UNC13C: variants seen among roughly 807,000 people sequenced by gnomAD.
The protein encoded by UNC13C is unc-13 homolog C.
A neutral mutation model predicts 245.4 loss-of-function variants in UNC13C; 174 were observed. The ratio of observed to expected loss-of-function variants is 0.71; its 90% CI spans 0.63 to 0.80. The LOEUF (loss-of-function observed/expected upper bound fraction) is 0.80, where lower values mean the gene tolerates loss of function less well. Among genes scored for constraint, UNC13C ranks in the 30% least tolerant of loss-of-function variants. The pLI is 0.00. For synonymous variants in UNC13C, 992 were observed against 895.1 expected (o/e 1.11, Z -1.93); for missense variants, 2,829 against 2,602.9 (o/e 1.09, Z -1.89).
intron 25 of UNC13C, among the ~76,000 whole-genome samples, chr15:54,528,377 G>A (rs1895581640): frequency 6.8e-6 from 1 of 147,820 alleles, no homozygotes; most frequent in Admixed American, 6.7e-5. Flanking sequence ...GCTAGATTAA[G>A]TAAACAAAAA....
At chr15:54,109,228 A>G (rs1047855180) in intron 2 of UNC13C, among the ~76,000 whole-genome samples, 1 of 149,522 alleles carries the variant, frequency 6.7e-6, no homozygotes, top group East Asian at 2.0e-4. Flanking sequence ...AGCTTTTTAC[A>G]AACTATATTT....
At position 54,371,719 on chromosome 15, in the gene UNC13C, C is replaced by T. The variant is rs78110703; in HGVS notation, c.4714-21329C>T. Reference sequence around the variant, plus strand: ...CCTTAATAATGGATATATATATATACACACACACACACACACACATACCAG... The same window carrying T: ...CCTTAATAATGGATATATATATATATACACACACACACACACACATACCAG... On this transcript the variant is annotated intron_variant, in intron 17 of 32. Coordinates refer to ENST00000260323, the MANE Select transcript of UNC13C (RefSeq NM_001080534.3). 1.6e-3 allele frequency among the ~76,000 whole-genome samples: 65 copies of T among 41,278 alleles called. No individual in the cohort carries two copies. The South Asian group carries it at 0.018, about 12-fold the overall frequency. 27.1% of individuals were successfully genotyped at this position (41,278 alleles called of 152,430 possible).
the UNC13C span, among the ~76,000 whole-genome samples, chr15:53,962,446 T>A: frequency 6.6e-6 from 1 of 152,206 alleles, no homozygotes; most frequent in African/African-American, 2.4e-5. Context: ...GTATATTATT[T>A]GAAATTATTT....
intron 2 of UNC13C, among the ~76,000 whole-genome samples, chr15:54,017,310 A>G (rs1895705333): frequency 2.0e-5 from 3 of 152,334 alleles, no homozygotes; most frequent in African/African-American, 4.8e-5. Context: ...AATGTAATGC[A>G]TATGGTAATA....
rs190572959 is a variant in UNC13C at position 54,587,340 on chromosome 15, G to A, written c.6106+19393G>A. Among the ~76,000 whole-genome samples the A allele has an allele frequency of 2.6e-3, 391 of 152,304 alleles. 2 individuals are homozygous for A. The highest frequency in any genetic ancestry group is 8.8e-3 in the African/African-American group (366 of 41,558). On this transcript the variant is annotated intron_variant, in intron 30 of 32. Coordinates refer to ENST00000260323, the MANE Select transcript of UNC13C (RefSeq NM_001080534.3). ...AAACCCGTGAAACATTTATATGACT[G>A]AAGCTTCTTCATATGTGCTCAGAGT... is the stretch of plus-strand genomic sequence containing the variant.
In UNC13C at chr15:54,015,680, C is replaced by A; in HGVS notation, c.2777C>A (p.Ala926Glu). 6.2e-7 allele frequency: 1 copy of A among 1,613,650 alleles called. No individual in the cohort carries two copies. Among genetic ancestry groups the A allele is most frequent in the Non-Finnish European group, 8.5e-7 (1 of 1,179,730 alleles). The change falls in exon 2 of 33, where the codon GCA becomes GAA. Residue 926 changes from alanine (A) to glutamate (E), a missense_variant. Coordinates refer to ENST00000260323, the MANE Select transcript of UNC13C (RefSeq NM_001080534.3). ...CAAGATGAGGGTTATGATGGTCCAG[C>A]AGATGATATGGTTAGTGAAGAGGGG... ...TPQDEGYDGP[A>E]DDMVSEEGLE...
intron 16 of UNC13C, among the ~76,000 whole-genome samples, chr15:54,336,360 TTA>T (rs928868190): frequency 6.9e-6 from 1 of 144,654 alleles, no homozygotes; most frequent in Non-Finnish European, 1.6e-5. Context: ...TTGAGAGTTT[TTA>T]TATGTTTTGA....
intron 30 of UNC13C, among the ~76,000 whole-genome samples, chr15:54,579,249 T>G (rs974289063): frequency 3.3e-5 from 5 of 152,212 alleles, no homozygotes; most frequent in Admixed American, 2.0e-4. Flanking sequence ...TTTTTTTCTC[T>G]GCCTGCTTAT....
At chr15:54,473,232 A>G (rs902693797) in intron 19 of UNC13C, among the ~76,000 whole-genome samples, 1 of 149,696 alleles carries the variant, frequency 6.7e-6, no homozygotes, top group African/African-American at 2.4e-5. Context: ...TATTTTATTG[A>G]TACATAATAA....
At chr15:54,031,703 C>G (rs976164029) in intron 2 of UNC13C, among the ~76,000 whole-genome samples, 1 of 152,162 alleles carries the variant, frequency 6.6e-6, no homozygotes, top group African/African-American at 2.4e-5. Context: ...CTTACCTGTA[C>G]AGGTAACTGA....
rs28414510 is a variant in UNC13C at position 54,496,342 on chromosome 15, A to G, written c.5060+1608A>G. Among the ~76,000 whole-genome samples the G allele has an allele frequency of 8.7e-3, 1,318 of 152,194 alleles. 22 individuals carry two copies. Among genetic ancestry groups the G allele is most frequent in the African/African-American group, 0.03 (1,244 of 41,538 alleles). ...AAATTTTGAAGATAGAATTTACAGA[A>G]TTTGTCAACTAAAGACATATGGGGT... is the stretch of plus-strand genomic sequence containing the variant. On this transcript the variant is annotated intron_variant, in intron 20 of 32. Coordinates refer to ENST00000260323, the MANE Select transcript of UNC13C (RefSeq NM_001080534.3).
chr15:54,392,705 T>G (rs1202234337), intron 17 of UNC13C, among the ~76,000 whole-genome samples: 1 of 151,886 alleles, frequency 6.6e-6, no homozygotes, highest in African/African-American at 2.4e-5. Context: ...GAAGCCACAT[T>G]AAAGGCATAA....
At chr15:53,983,968 C>T (rs914036983) in intron 1 of UNC13C, among the ~76,000 whole-genome samples, 7 of 152,040 alleles carry the variant, frequency 4.6e-5, no homozygotes, top group African/African-American at 1.7e-4. Context: ...TGTTATCTTC[C>T]TATTAACACT....
intron 30 of UNC13C, among the ~76,000 whole-genome samples, chr15:54,588,555 G>A (rs1291778677): frequency 2.6e-5 from 4 of 152,094 alleles, no homozygotes; most frequent in Admixed American, 6.5e-5. Context: ...GGTTACATGA[G>A]TAAATTCTTT....
At chr15:54,199,280 T>A (rs2141342304) in intron 4 of UNC13C, among the ~76,000 whole-genome samples, 1 of 152,150 alleles carries the variant, frequency 6.6e-6, no homozygotes, top group East Asian at 1.9e-4. Flanking sequence ...GAGGGAATAA[T>A]TGAGGAAACC....
chr15:54,383,154 C>A (rs1034110864), intron 17 of UNC13C, among the ~76,000 whole-genome samples: 6 of 152,084 alleles, frequency 3.9e-5, no homozygotes, highest in African/African-American at 1.4e-4. Context: ...TTAAACTATT[C>A]CAAAAATTGA....
intron 1 of UNC13C, among the ~76,000 whole-genome samples, chr15:53,997,081 C>T (rs1466007145): frequency 1.3e-5 from 2 of 151,938 alleles, no homozygotes; most frequent in Non-Finnish European, 1.5e-5. Context: ...TTGGTGTAAC[C>T]AGTCTTTAGA....
intron 10 of UNC13C, among the ~76,000 whole-genome samples, chr15:54,284,736 G>A (rs1390997048): frequency 6.6e-6 from 1 of 151,910 alleles, no homozygotes; most frequent in Admixed American, 6.6e-5. Flanking sequence ...AAATGAACAC[G>A]GGGTATTTTC....
intron 4 of UNC13C, among the ~76,000 whole-genome samples, chr15:54,184,401 A>G (rs533135790): frequency 5.3e-5 from 8 of 152,162 alleles, no homozygotes; most frequent in African/African-American, 1.9e-4. Context: ...ATATCTCCTA[A>G]TGCTATCCCT....
Sources: allele counts gnomAD v4.1 joint callset (sites outside exome capture counted in the v4.1 genomes callset), GRCh38; gene constraint gnomAD v4.1.1; transcripts MANE v1.5; gene names NCBI Gene and HGNC (gene_info 2026-07-23, HGNC 2026-07-21).